The following PKIB variants were observed in gnomAD, a reference collection of about 807,000 sequenced individuals.
PKIB encodes the protein cAMP-dependent protein kinase inhibitor beta.
PKIB carries 2 observed loss-of-function variants against 4.5 expected under a neutral mutation model. That is an observed-to-expected ratio of 0.44 (90% confidence interval 0.18 to 1.39). The LOEUF is 1.39. PKIB is among the 40% of genes most tolerant of loss of function. The pLI is 0.27. For synonymous variants in PKIB, 38 were observed against 36.0 expected (o/e 1.06, Z -0.20); for missense variants, 94 against 92.6 (o/e 1.02, Z -0.06).
intron 2 of PKIB, among the ~76,000 whole-genome samples, chr6:122,549,620 T>C (rs1239470770): frequency 1.3e-5 from 2 of 152,084 alleles, no homozygotes; most frequent in African/African-American, 4.8e-5. Flanking sequence ...TTGACTAATA[T>C]ATTCTCTTGC....
chr6:122,499,833 C>T (rs1022119167), intron 2 of PKIB, among the ~76,000 whole-genome samples: 4 of 152,114 alleles, frequency 2.6e-5, no homozygotes, highest in Admixed American at 6.5e-5. Context: ...CACCAAAAGC[C>T]TCCTAGAACT....
chr6:122,678,351 G>A (rs1777766417), intron 3 of PKIB, among the ~76,000 whole-genome samples: 1 of 152,138 alleles, frequency 6.6e-6, no homozygotes. Flanking sequence ...TACTCACCTG[G>A]ACAGGACTTC....
chr6:122,640,201 A>G (rs1026403430), intron 2 of PKIB, among the ~76,000 whole-genome samples: 10 of 152,208 alleles, frequency 6.6e-5, no homozygotes, highest in African/African-American at 2.2e-4. Context: ...TCATCTTGGG[A>G]AACATTTGGA....
Position 122,534,658 on chromosome 6 carries a change from A to C in PKIB, c.-247-51263A>C, listed in dbSNP as rs1044389547. Among the ~76,000 whole-genome samples, 34 of 152,006 alleles carry C rather than the reference A, an allele frequency of 2.2e-4. 1 individual carries two copies. The highest frequency in any genetic ancestry group is 2.0e-3 in the Admixed American group (31 of 15,246). Reference sequence around the variant, plus strand: ...CAAATACAATACTTTCATTGGAAAAATATATAATATAATATATAAAATTAT... The same window carrying C: ...CAAATACAATACTTTCATTGGAAAACTATATAATATAATATATAAAATTAT... On this transcript the variant is annotated intron_variant, in intron 2 of 6. Coordinates refer to the PKIB transcript ENST00000392491.
At chr6:122,711,138 C>T (rs1046597033) in intron 3 of PKIB, among the ~76,000 whole-genome samples, 1 of 151,938 alleles carries the variant, frequency 6.6e-6, no homozygotes, top group Admixed American at 6.6e-5. Flanking sequence ...ACATAGCACA[C>T]ACACACAAAC....
At chr6:122,648,173 G>A (rs766669483) in intron 2 of PKIB, among the ~76,000 whole-genome samples, 1 of 152,164 alleles carries the variant, frequency 6.6e-6, no homozygotes, top group Non-Finnish European at 1.5e-5. Flanking sequence ...CTAGTTCAGT[G>A]GAACCCTTTC....
At chr6:122,601,712 T>C (rs779096391) in intron 3 of PKIB, among the ~76,000 whole-genome samples, 5 of 152,226 alleles carry the variant, frequency 3.3e-5, no homozygotes, top group African/African-American at 1.2e-4. Context: ...CTCTTCCTTA[T>C]GACTTTCTTA....
chr6:122,613,293 C>G (rs1475361442), intron 1 of PKIB, among the ~76,000 whole-genome samples: 1 of 152,140 alleles, frequency 6.6e-6, no homozygotes, highest in Non-Finnish European at 1.5e-5. Flanking sequence ...ATTCTTTCCT[C>G]AACATCAAAA....
intron 3 of PKIB, among the ~76,000 whole-genome samples, chr6:122,687,194 G>T (rs1308718633): frequency 6.6e-6 from 1 of 152,150 alleles, no homozygotes; most frequent in African/African-American, 2.4e-5. Flanking sequence ...TGGATATCCA[G>T]TTTTCCTAGT....
intron 2 of PKIB, among the ~76,000 whole-genome samples, chr6:122,538,950 A>G (rs1340884166): frequency 1.3e-5 from 2 of 152,016 alleles, no homozygotes; most frequent in South Asian, 2.1e-4. Context: ...GCAATTGTGA[A>G]TGGGAGTTCA....
chr6:122,550,040 G>A (rs1040566949), intron 2 of PKIB, among the ~76,000 whole-genome samples: 23 of 151,530 alleles, frequency 1.5e-4, no homozygotes, highest in East Asian at 7.8e-4. Flanking sequence ...TCAGCCTCCC[G>A]AGAAGCTGGG....
chr6:122,657,093 A>C (rs2114899699), intron 2 of PKIB, among the ~76,000 whole-genome samples: 1 of 152,362 alleles, frequency 6.6e-6, no homozygotes, highest in Non-Finnish European at 1.5e-5. Context: ...AAAATAGTTA[A>C]AGTAGTGAAG....
intron 3 of PKIB, among the ~76,000 whole-genome samples, chr6:122,711,363 A>G (rs1779268164): frequency 6.6e-6 from 1 of 152,192 alleles, no homozygotes; most frequent in Admixed American, 6.5e-5. Flanking sequence ...CTTAGGAAAG[A>G]CTTTGACACA....
At chr6:122,533,527 A>G (rs1777322599) in intron 2 of PKIB, among the ~76,000 whole-genome samples, 1 of 152,224 alleles carries the variant, frequency 6.6e-6, no homozygotes, top group Non-Finnish European at 1.5e-5. Flanking sequence ...CTTGGCAAAG[A>G]AAAGAAATGA....
chr6:122,690,589 A>T (rs995245113), intron 3 of PKIB, among the ~76,000 whole-genome samples: 1 of 152,042 alleles, frequency 6.6e-6, no homozygotes. Flanking sequence ...TGATGTTTCT[A>T]TTTATATCTT....
At chr6:122,523,862 G>T (rs182984719) in intron 2 of PKIB, among the ~76,000 whole-genome samples, 3 of 151,258 alleles carry the variant, frequency 2.0e-5, no homozygotes, top group African/African-American at 4.9e-5. Flanking sequence ...CTTCTCCTTC[G>T]CCTTCTGCCA....
At chr6:122,522,817 G>A (rs1776985372) in intron 2 of PKIB, among the ~76,000 whole-genome samples, 1 of 152,194 alleles carries the variant, frequency 6.6e-6, no homozygotes, top group African/African-American at 2.4e-5. Context: ...CTTCTGCATT[G>A]ATCTCGCTGG....
intron 2 of PKIB, among the ~76,000 whole-genome samples, chr6:122,524,840 T>G (rs1777051932): frequency 6.6e-6 from 1 of 151,806 alleles, no homozygotes; most frequent in Non-Finnish European, 1.5e-5. Flanking sequence ...TGTTTCTGAT[T>G]TTAGTTGTCT....
chr6:122,554,431 C>CA (rs1457470340), intron 2 of PKIB, among the ~76,000 whole-genome samples: 18 of 152,254 alleles, frequency 1.2e-4, no homozygotes, highest in African/African-American at 4.3e-4. Context: ...AGAGATTGTC[C>CA]ATGCAATGCC....
Sources: gnomAD v4.1 joint callset for allele counts (sites outside exome capture counted in the v4.1 genomes callset) on GRCh38, gnomAD v4.1.1 for gene constraint, MANE v1.5 for transcripts, NCBI Gene and HGNC (gene_info 2026-07-23, HGNC 2026-07-21) for gene names.